SMIM13: variants seen among roughly 807,000 people sequenced by gnomAD.
SMIM13 encodes small integral membrane protein 13, also known as UPF0766 protein C6orf228.
SMIM13 carries 3 observed loss-of-function variants against 5.9 expected under a neutral mutation model. That is an observed-to-expected ratio of 0.51 (90% CI 0.23 to 1.31). SMIM13 has a LOEUF of 1.31. Among genes scored for constraint, SMIM13 ranks in the 40% most tolerant of loss-of-function variants. SMIM13 has a pLI of 0.18. For missense variants in SMIM13, 85 were observed against 109.9 expected (o/e 0.77, Z 1.01); for synonymous variants, 55 against 46.0 (o/e 1.19, Z -0.79).
At chr6:11,125,460 G>A (rs986897965) in intron 1 of SMIM13, among the ~76,000 whole-genome samples, 1 of 152,244 alleles carries the variant, frequency 6.6e-6, no homozygotes, top group African/African-American at 2.4e-5. Flanking sequence ...GCTGGGCATG[G>A]TAGTGCACAC....
chr6:11,117,163 G>GTTTTTTTTTTTTTTTTTT (rs1561756941), intron 1 of SMIM13, among the ~76,000 whole-genome samples: 1 of 100,636 alleles, frequency 9.9e-6, no homozygotes, highest in Non-Finnish European at 2.1e-5. Context: ...GCTAATTTTT[G>GTTTTTTTTTTTTTTTTTT]TATTTTTTTT....
At chr6:11,116,008 CTTTTTTTTTTTTTTTTTTTT>C (rs35527082) in intron 1 of SMIM13, among the ~76,000 whole-genome samples, 3 of 78,490 alleles carry the variant, frequency 3.8e-5, no homozygotes, top group African/African-American at 1.6e-4. Context: ...CTTCCTTCCT[CTTTTTTTTTTTTTTTTTTTT>C]TTTTTTTTTG....
intron 1 of SMIM13, among the ~76,000 whole-genome samples, chr6:11,130,320 A>C (rs1343081030): frequency 6.6e-6 from 1 of 151,832 alleles, no homozygotes; most frequent in African/African-American, 2.4e-5. Flanking sequence ...TGCCCAGTAG[A>C]TGAGCTCCCT....
At chr6:11,129,691 G>C (rs919612878) in intron 1 of SMIM13, among the ~76,000 whole-genome samples, 1 of 151,842 alleles carries the variant, frequency 6.6e-6, no homozygotes, top group African/African-American at 2.4e-5. Flanking sequence ...CTATGTGTCT[G>C]TTTTTTTATT....
intron 1 of SMIM13, among the ~76,000 whole-genome samples, chr6:11,122,661 A>G (rs1758326421): frequency 6.6e-6 from 1 of 151,938 alleles, no homozygotes; most frequent in South Asian, 2.1e-4. Flanking sequence ...GAGGTGGAGG[A>G]CTTTTTGCAG....
rs1372884729 is a variant in SMIM13, at chr6:11,136,295, T to A, written c.*1693T>A. 1 of 152,228 alleles carries A rather than the reference T, an allele frequency of 6.6e-6. No individual in the cohort carries two copies. Among genetic ancestry groups the A allele is most frequent in the East Asian group, 1.9e-4 (1 of 5,206 alleles). 9.4% of individuals were successfully genotyped at this position (152,228 alleles called of 1,614,324 possible). ...TTCCGTGTTTGTCTCAACTGAACTC[T>A]GGGCTGAGTGTTTACCAGGGAGAAG... On this transcript the variant is annotated 3_prime_UTR_variant, in exon 2 of 2. Coordinates refer to ENST00000416247, the MANE Select transcript of SMIM13 (RefSeq NM_001135575.2).
chr6:11,137,420 G>A lies in SMIM13; in HGVS notation c.*2818G>A, dbSNP rs1020461430. 1.6e-4 allele frequency: 17 copies of A among 106,884 alleles called. No individual in the cohort carries two copies. Among genetic ancestry groups the A allele is most frequent in the Non-Finnish European group, 3.1e-4 (15 of 48,924 alleles). The allele number at this position is 106,884 out of a possible 1,614,324, so 6.6% of individuals were successfully genotyped here. On this transcript the variant is annotated 3_prime_UTR_variant, in exon 2 of 2. Transcript: ENST00000416247. The stretch of plus-strand genomic sequence containing the variant: ...GTTTTCCTGTTTTAGTGCTTTTGTA[G>A]CTAAAACTTACTGGAACTGCATCAC...
intron 1 of SMIM13, among the ~76,000 whole-genome samples, chr6:11,099,443 G>A (rs1757964871): frequency 6.6e-6 from 1 of 152,168 alleles, no homozygotes; most frequent in Non-Finnish European, 1.5e-5. Flanking sequence ...AAAGTGCTGG[G>A]ATTACAGGTG....
chr6:11,094,539 C>A, intron 1 of SMIM13, 150 bp downstream of exon 1: 1 of 631,812 alleles, frequency 1.6e-6, no homozygotes, highest in Non-Finnish European at 2.6e-6. Context: ...GCCTCTAGGG[C>A]TGAGCGCAGA....
intron 1 of SMIM13, 36 bp downstream of exon 1, chr6:11,094,425 C>T (rs1262664975): frequency 6.7e-7 from 1 of 1,486,946 alleles, no homozygotes; most frequent in Non-Finnish European, 9.0e-7. Flanking sequence ...CAGTTCCACA[C>T]GCCGGGTCGC....
At position 11,136,163 on chromosome 6, in the gene SMIM13, T is replaced by G. The variant is rs769799102; in HGVS notation, c.*1561T>G. ...AGGAATGTGTTGTGGAGAAAAACAC[T>G]TCTTCACAAACAATTCAGTGACAAG... On this transcript the variant is annotated 3_prime_UTR_variant, in exon 2 of 2. Coordinates refer to ENST00000416247, the MANE Select transcript of SMIM13 (RefSeq NM_001135575.2). The G allele has an allele frequency of 8.5e-5, 13 of 152,178 alleles. No homozygotes were observed. Among genetic ancestry groups the G allele is most frequent in the Non-Finnish European group, 1.6e-4 (11 of 68,012 alleles). 9.4% of individuals were successfully genotyped at this position (152,178 alleles called of 1,614,324 possible). A position where few individuals can be genotyped will look rare whatever the true frequency, so the allele number is the denominator to read the frequency against.
rs368278500 is a variant in SMIM13, at chr6:11,108,089, G to T, written c.76+13700G>T. 7.9e-5 allele frequency among the ~76,000 whole-genome samples: 12 copies of T among 152,192 alleles called. No individual in the cohort carries two copies. The South Asian group carries it at 8.3e-4, about 11-fold the overall frequency. Reference sequence around the variant, plus strand: ...GGAGGAAAGGTTAACTGAGCCCCTAGTCTGAGCAAAATATCTCTACCCAAA... The same window carrying T: ...GGAGGAAAGGTTAACTGAGCCCCTATTCTGAGCAAAATATCTCTACCCAAA... On this transcript the variant is annotated intron_variant, in intron 1 of 1. Transcript: ENST00000416247.
chr6:11,119,025 G>C (rs150321205), intron 1 of SMIM13, among the ~76,000 whole-genome samples: 154 of 152,308 alleles, frequency 1.0e-3, no homozygotes, highest in Middle Eastern at 3.4e-3. Flanking sequence ...CCAGTTGATA[G>C]ATACAAGGAT....
At chr6:11,103,396 G>A in intron 1 of SMIM13, 1 of 328,808 alleles carries the variant, frequency 3.0e-6, no homozygotes, top group Non-Finnish European at 5.5e-6. Context: ...GACATTCCTG[G>A]TGAGGGGGCC....
chr6:11,104,040 G>A lies in SMIM13; in HGVS notation c.76+9651G>A, dbSNP rs148418920. ...CAAACAAATTCCTCCCTGTGCTGCCGTTAACATGTCTAGTCCTCGACGATT... is the reference window on the plus strand; with the variant it reads ...CAAACAAATTCCTCCCTGTGCTGCCATTAACATGTCTAGTCCTCGACGATT... On this transcript the variant is annotated intron_variant, in intron 1 of 1. Coordinates refer to ENST00000416247, the MANE Select transcript of SMIM13 (RefSeq NM_001135575.2). 1.7e-4 allele frequency: 271 copies of A among 1,551,714 alleles called. 1 individual carries two copies. In the East Asian group the frequency reaches 4.6e-3, roughly 26 times the overall value.
Position 11,138,186 on chromosome 6 carries a change from T to A in SMIM13, c.*3584T>A, listed in dbSNP as rs796709594. The A allele has an allele frequency of 1.4e-4, 21 of 152,310 alleles. No homozygotes were observed. Among genetic ancestry groups the A allele is most frequent in the African/African-American group, 5.1e-4 (21 of 41,574 alleles). The allele number at this position is 152,310 out of a possible 1,614,324, so 9.4% of individuals were successfully genotyped here. The stretch of plus-strand genomic sequence containing the variant: ...AGTGCTTTTTATATTTGAGGTTGAC[T>A]TTAAAAAGCCATTGAGCAGTCCTCA... On this transcript the variant is annotated 3_prime_UTR_variant, in exon 2 of 2. Coordinates refer to ENST00000416247, the MANE Select transcript of SMIM13 (RefSeq NM_001135575.2).
chr6:11,109,507 A>G (rs750149850), intron 1 of SMIM13, among the ~76,000 whole-genome samples: 6 of 152,136 alleles, frequency 3.9e-5, no homozygotes, highest in African/African-American at 7.2e-5. Context: ...TTCTGAACCA[A>G]TGGGAAGGGG....
At chr6:11,105,462 G>C (rs1183587496) in intron 1 of SMIM13, 2 of 618,940 alleles carry the variant, frequency 3.2e-6, no homozygotes, top group Non-Finnish European at 5.8e-6. Context: ...AAGGATGTTG[G>C]TGGGGCATTA....
At position 11,136,997 on chromosome 6, in the gene SMIM13, T is replaced by C. The variant is rs1758524960; in HGVS notation, c.*2395T>C. On this transcript the variant is annotated 3_prime_UTR_variant, in exon 2 of 2. Coordinates refer to ENST00000416247, the MANE Select transcript of SMIM13 (RefSeq NM_001135575.2). ...AAAGTAGCTGGTGAGCTTCCTGTTATGTCACTATTAAAGAATGATGGCTGA... is the reference window on the plus strand; with the variant it reads ...AAAGTAGCTGGTGAGCTTCCTGTTACGTCACTATTAAAGAATGATGGCTGA... 1 of 152,182 alleles carries C rather than the reference T, an allele frequency of 6.6e-6. No homozygotes were observed. Among genetic ancestry groups the C allele is most frequent in the Non-Finnish European group, 1.5e-5 (1 of 68,004 alleles). The allele number at this position is 152,182 out of a possible 1,614,324, so 9.4% of individuals were successfully genotyped here. A position where few individuals can be genotyped will look rare whatever the true frequency, so the allele number is the denominator to read the frequency against.
Sources: gnomAD v4.1 joint callset for allele counts (sites outside exome capture counted in the v4.1 genomes callset) on GRCh38, gnomAD v4.1.1 for gene constraint, MANE v1.5 for transcripts, NCBI Gene and HGNC (gene_info 2026-07-23, HGNC 2026-07-21) for gene names.